The following ZRANB1 variants were observed in gnomAD, a reference collection of about 807,000 sequenced individuals.
ZRANB1 encodes zinc finger RANBP2-type containing 1.
Under a neutral mutation model 80.5 loss-of-function variants are expected in ZRANB1, and 16 were observed. The observed-to-expected ratio is 0.20, with a 90% CI of 0.13 to 0.30. The LOEUF (loss-of-function observed/expected upper bound fraction) is 0.30, where lower values mean the gene tolerates loss of function less well. Among genes scored for constraint, ZRANB1 ranks in the 10% least tolerant of loss-of-function variants. ZRANB1 has a pLI of 1.00. For synonymous variants in ZRANB1, 291 were observed against 293.1 expected (o/e 0.99, Z 0.07); for missense variants, 576 against 862.6 (o/e 0.67, Z 4.16).
At chr10:124,947,890 C>T (rs1406751342) in intron 1 of ZRANB1, among the ~76,000 whole-genome samples, 6 of 152,200 alleles carry the variant, frequency 3.9e-5, no homozygotes, top group Non-Finnish European at 2.9e-5. Flanking sequence ...CTGCTGTCAT[C>T]AGAGGAGCTA....
chr10:124,968,771 A>C (rs1370121450), intron 2 of ZRANB1, among the ~76,000 whole-genome samples: 1 of 152,160 alleles, frequency 6.6e-6, no homozygotes, highest in Non-Finnish European at 1.5e-5. Flanking sequence ...ACAAGGTTTT[A>C]GAGGGGCCAT....
At chr10:124,931,142 C>A in the ZRANB1 span, among the ~76,000 whole-genome samples, 1 of 152,096 alleles carries the variant, frequency 6.6e-6, no homozygotes, top group African/African-American at 2.4e-5. Context: ...GTGGTGTGAT[C>A]ATAGCTCACT....
At position 124,973,642 on chromosome 10, in the gene ZRANB1, T is replaced by C; in HGVS notation, c.1157-3T>C. On this transcript the variant is annotated splice_polypyrimidine_tract_variant and splice_region_variant and intron_variant, in intron 3 of 8. Transcript: ENST00000359653. ...ATCTTTTAAGTTTGCATTTTCTTTG[T>C]AGATATTGAAGATTTGCCCCCAACA... 1 of 1,609,218 alleles carries C rather than the reference T, an allele frequency of 6.2e-7. No individual in the cohort carries two copies. Among genetic ancestry groups the C allele is most frequent in the Non-Finnish European group, 8.5e-7 (1 of 1,178,512 alleles).
chr10:124,956,944 A>G (rs144660990), intron 1 of ZRANB1, among the ~76,000 whole-genome samples: 1 of 152,366 alleles, frequency 6.6e-6, no homozygotes, highest in African/African-American at 2.4e-5. Context: ...AGCTGAAGAC[A>G]TCATGACACT....
At chr10:124,976,240 A>C (rs1951875322) in intron 5 of ZRANB1, among the ~76,000 whole-genome samples, 1 of 152,136 alleles carries the variant, frequency 6.6e-6, no homozygotes, top group African/African-American at 2.4e-5. Flanking sequence ...GGTAAGCCTG[A>C]TGCTGGTCAG....
chr10:124,916,976 C>T, the ZRANB1 span, among the ~76,000 whole-genome samples: 11 of 152,118 alleles, frequency 7.2e-5, no homozygotes, highest in African/African-American at 2.4e-4. Context: ...CCCCCGCCCC[C>T]CGGGGCTCCC....
chr10:124,932,281 A>ATTT, the ZRANB1 span, among the ~76,000 whole-genome samples: 2 of 115,290 alleles, frequency 1.7e-5, no homozygotes, highest in African/African-American at 7.7e-5. Flanking sequence ...GGGTGTAAAG[A>ATTT]TTTTTTTTTT....
chr10:124,973,164 A>G (rs1465011948), intron 3 of ZRANB1, among the ~76,000 whole-genome samples: 2 of 151,986 alleles, frequency 1.3e-5, no homozygotes, highest in Non-Finnish European at 2.9e-5. Flanking sequence ...TTTTATTTTT[A>G]TTTTTTGAGA....
chr10:124,974,475 TTA>T, intron 5 of ZRANB1, 77 bp downstream of exon 5: 2 of 1,431,192 alleles, frequency 1.4e-6, no homozygotes, highest in Non-Finnish European at 1.9e-6. Flanking sequence ...GGGATACTTT[TTA>T]TGTCAGTTAT....
chr10:124,919,434 C>A, the ZRANB1 span, among the ~76,000 whole-genome samples: 2 of 151,920 alleles, frequency 1.3e-5, no homozygotes, highest in Non-Finnish European at 2.9e-5. Flanking sequence ...GTAATCCCAG[C>A]TACTCGGGAG....
At chr10:124,964,159 C>T (rs988907843) in intron 1 of ZRANB1, among the ~76,000 whole-genome samples, 3 of 152,158 alleles carry the variant, frequency 2.0e-5, no homozygotes, top group Admixed American at 6.5e-5. Context: ...TTGTGTATAT[C>T]GGCTTTATTG....
Position 124,962,033 on chromosome 10 carries a change from A to G in ZRANB1, c.815-4561A>G, listed in dbSNP as rs1236019045. ...TGAAGGTACACTTTAAAAAATATTG[A>G]AGTCATTTTATTTAAAAAACAGCTC... On this transcript the variant is annotated intron_variant, in intron 1 of 8. Transcript: ENST00000359653. Among the ~76,000 whole-genome samples, 3 of 152,184 alleles carry G rather than the reference A, an allele frequency of 2.0e-5. No individual in the cohort carries two copies. In the East Asian group the frequency reaches 5.8e-4, roughly 29 times the overall value.
At chr10:124,949,844 A>G (rs986480753) in intron 1 of ZRANB1, among the ~76,000 whole-genome samples, 7 of 152,226 alleles carry the variant, frequency 4.6e-5, no homozygotes, top group Non-Finnish European at 8.8e-5. Flanking sequence ...TAGCAGTGGT[A>G]TGAACAGCTT....
At chr10:124,941,862 T>C (rs553170655), upstream of ZRANB1, among the ~76,000 whole-genome samples, 2 of 152,328 alleles carry the variant, frequency 1.3e-5, no homozygotes, top group African/African-American at 4.8e-5. Flanking sequence ...TTCATAATGT[T>C]ACTTTGTTAA....
chr10:124,955,228 T>C (rs940338188), intron 1 of ZRANB1, among the ~76,000 whole-genome samples: 9 of 151,920 alleles, frequency 5.9e-5, no homozygotes, highest in Non-Finnish European at 1.2e-4. Context: ...AAAAGGTTTT[T>C]TTTTGTTTTT....
chr10:124,964,474 T>C (rs2134278772), intron 1 of ZRANB1, among the ~76,000 whole-genome samples: 1 of 152,334 alleles, frequency 6.6e-6, no homozygotes, highest in Middle Eastern at 3.4e-3. Flanking sequence ...TCTCCCCTTC[T>C]TCCAAGCAAA....
In ZRANB1 at chr10:124,985,051, G is replaced by T. The variant is rs1417496160; in HGVS notation, c.*59G>T. The T allele has an allele frequency of 2.2e-6, 3 of 1,348,232 alleles. No homozygotes were observed. Among genetic ancestry groups the T allele is most frequent in the Non-Finnish European group, 2.1e-6 (2 of 967,214 alleles). The allele number at this position is 1,348,232 out of a possible 1,614,324, so 83.5% of individuals were successfully genotyped here. On this transcript the variant is annotated 3_prime_UTR_variant, in exon 9 of 9. Coordinates refer to ENST00000359653, the MANE Select transcript of ZRANB1 (RefSeq NM_017580.3). Reference sequence around the variant, plus strand: ...CAGATCTGTAATGACCCTAAAGTTAGTGTGGTGCTCCAAGCAGAGTCGACA... The same window carrying T: ...CAGATCTGTAATGACCCTAAAGTTATTGTGGTGCTCCAAGCAGAGTCGACA...
At chr10:124,970,278 T>C (rs1290182199) in intron 2 of ZRANB1, among the ~76,000 whole-genome samples, 1 of 152,166 alleles carries the variant, frequency 6.6e-6, no homozygotes, top group Non-Finnish European at 1.5e-5. Context: ...TATTTTTTTC[T>C]TTTCTTTTGA....
chr10:124,939,531 G>A (rs1951516748), upstream of ZRANB1, among the ~76,000 whole-genome samples: 1 of 152,144 alleles, frequency 6.6e-6, no homozygotes, highest in Admixed American at 6.5e-5. Flanking sequence ...TATTGTGCCA[G>A]CATATTAGTT....
Sources: gnomAD v4.1 joint callset for allele counts (sites outside exome capture counted in the v4.1 genomes callset) on GRCh38, gnomAD v4.1.1 for gene constraint, MANE v1.5 for transcripts, NCBI Gene and HGNC (gene_info 2026-07-23, HGNC 2026-07-21) for gene names.